BTBD9: variants seen among roughly 807,000 people sequenced by gnomAD.
BTBD9 encodes BTB domain containing 9.
BTBD9 carries 49 observed loss-of-function variants against 64.3 expected under a neutral mutation model. The ratio of observed to expected loss-of-function variants is 0.76; its 90% CI spans 0.61 to 0.97. BTBD9 has a LOEUF of 0.97. BTBD9 is among the 50% of genes least tolerant of loss of function. The pLI, the probability that BTBD9 is intolerant of heterozygous loss-of-function variation, is 0.00. For synonymous variants in BTBD9, 260 were observed against 274.7 expected, an observed-to-expected ratio of 0.95 and a Z score of 0.53; for missense variants, 598 against 762.1, an observed-to-expected ratio of 0.78 and a Z score of 2.53.
intron 6 of BTBD9, among the ~76,000 whole-genome samples, chr6:38,454,088 T>C (rs1396162669): frequency 6.6e-6 from 1 of 152,088 alleles, no homozygotes; most frequent in Admixed American, 6.5e-5. Context: ...AAAATGAAAA[T>C]TCTTCAAGCA....
chr6:38,620,024 G>T (rs1192269674), intron 1 of BTBD9, among the ~76,000 whole-genome samples: 2 of 152,142 alleles, frequency 1.3e-5, no homozygotes, highest in South Asian at 4.1e-4. Flanking sequence ...TGCCTGCCCA[G>T]TCCAAATCAG....
At position 38,201,273 on chromosome 6, in the gene BTBD9, G is replaced by A. The variant is rs1762453057; in HGVS notation, c.1563-8676C>T. ...ATCAAGTGGGATCTAACCCAGGGAT[G>A]CAAGGATGGTTTAACAGACACAAAT... On this transcript the variant is annotated intron_variant, in intron 9 of 10. Transcript: ENST00000481247. Among the ~76,000 whole-genome samples the A allele has an allele frequency of 1.3e-5, 2 of 152,186 alleles. 1 individual carries two copies. Among genetic ancestry groups the A allele is most frequent in the Admixed American group, 1.3e-4 (2 of 15,276 alleles).
intron 8 of BTBD9, among the ~76,000 whole-genome samples, chr6:38,286,057 T>G (rs988839334): frequency 2.6e-5 from 4 of 152,194 alleles, no homozygotes; most frequent in African/African-American, 4.8e-5. Flanking sequence ...GAAGTTTATT[T>G]GTACAGGTAG....
chr6:38,509,878 A>C (rs958559356), intron 6 of BTBD9, among the ~76,000 whole-genome samples: 1 of 152,190 alleles, frequency 6.6e-6, no homozygotes, highest in Non-Finnish European at 1.5e-5. Context: ...GGCTACCCCC[A>C]GCTTCATGTT....
At chr6:38,265,685 T>C (rs1368814475) in intron 8 of BTBD9, among the ~76,000 whole-genome samples, 1 of 151,796 alleles carries the variant, frequency 6.6e-6, no homozygotes, top group Non-Finnish European at 1.5e-5. Context: ...GCCTGGCTAA[T>C]TTTTTGTATT....
At chr6:38,523,053 C>T (rs907699918) in intron 6 of BTBD9, among the ~76,000 whole-genome samples, 22 of 152,156 alleles carry the variant, frequency 1.4e-4, no homozygotes, top group African/African-American at 4.8e-4. Context: ...CGTGGTGGCA[C>T]GTGCCTGTAA....
chr6:38,332,778 T>C (rs1405414809), intron 7 of BTBD9, among the ~76,000 whole-genome samples: 1 of 152,212 alleles, frequency 6.6e-6, no homozygotes, highest in Non-Finnish European at 1.5e-5. Flanking sequence ...ACCAACATCT[T>C]TGCAATATTA....
chr6:38,571,974 T>TCACACACA (rs3047794), intron 6 of BTBD9, among the ~76,000 whole-genome samples: 17 of 147,990 alleles, frequency 1.1e-4, no homozygotes, highest in Non-Finnish European at 2.1e-4. Context: ...AAAGAAACAA[T>TCACACACA]CACACACACA....
At chr6:38,242,742 T>C (rs1220828699) in intron 9 of BTBD9, among the ~76,000 whole-genome samples, 1 of 152,232 alleles carries the variant, frequency 6.6e-6, no homozygotes, top group Non-Finnish European at 1.5e-5. Context: ...AATATTAGAC[T>C]GAATCAAAGT....
intron 6 of BTBD9, among the ~76,000 whole-genome samples, chr6:38,352,489 A>T (rs560416722): frequency 6.6e-6 from 1 of 152,364 alleles, no homozygotes; most frequent in Non-Finnish European, 1.5e-5. Flanking sequence ...TACAGTTTGG[A>T]AAGCAAGATG....
intron 6 of BTBD9, among the ~76,000 whole-genome samples, chr6:38,548,065 A>G (rs1183321674): frequency 6.6e-6 from 1 of 152,268 alleles, no homozygotes; most frequent in Non-Finnish European, 1.5e-5. Context: ...TGTAAATTAC[A>G]TAAAACACTA....
At chr6:38,193,162 G>A (rs1452903869) in intron 9 of BTBD9, among the ~76,000 whole-genome samples, 1 of 152,212 alleles carries the variant, frequency 6.6e-6, no homozygotes, top group Non-Finnish European at 1.5e-5. Context: ...CCTACCCCAG[G>A]GCTGTTGGCA....
chr6:38,385,987 C>T (rs955367503), intron 6 of BTBD9, among the ~76,000 whole-genome samples: 5 of 151,734 alleles, frequency 3.3e-5, no homozygotes, highest in African/African-American at 2.4e-5. Context: ...GATGGGGTTT[C>T]GCTATGTTGG....
intron 6 of BTBD9, among the ~76,000 whole-genome samples, chr6:38,473,728 T>A (rs1345399091): frequency 6.6e-6 from 1 of 152,148 alleles, no homozygotes; most frequent in Non-Finnish European, 1.5e-5. Context: ...GAGCTTACAA[T>A]CTAGTAGAGA....
At chr6:38,519,200 T>C (rs1773178437) in intron 6 of BTBD9, among the ~76,000 whole-genome samples, 1 of 152,200 alleles carries the variant, frequency 6.6e-6, no homozygotes, top group Non-Finnish European at 1.5e-5. Context: ...CAAGGTGAAC[T>C]AGCCAGAGCC....
rs115187286 is a variant in BTBD9 at position 38,577,585 on chromosome 6, C to T, written c.1154+15G>A. The stretch of plus-strand genomic sequence containing the variant: ...TATAAGAATAAAAATCATTTATTAA[C>T]CACTGAAAACTAACCTGCAGACACG... On this transcript the variant is annotated intron_variant, in intron 6 of 10. Coordinates refer to ENST00000481247, the MANE Select transcript of BTBD9 (RefSeq NM_001099272.2). 8.1e-4 allele frequency: 1,283 copies of T among 1,589,988 alleles called. 12 individuals carry two copies. In the African/African-American group the frequency reaches 0.015, roughly 18 times the overall value.
rs559991240 is a variant in BTBD9, at chr6:38,564,816, C to T, written c.1154+12784G>A. 5.3e-4 allele frequency among the ~76,000 whole-genome samples: 80 copies of T among 152,076 alleles called. No individual in the cohort carries two copies. In the East Asian group the frequency reaches 5.4e-3, roughly 10 times the overall value. ...CTGAGGCAGGAGAATCGCATGAACCCGGGAGGCAGAGCTTGCAGTGAGCCG... is the reference window on the plus strand; with the variant it reads ...CTGAGGCAGGAGAATCGCATGAACCTGGGAGGCAGAGCTTGCAGTGAGCCG... On this transcript the variant is annotated intron_variant, in intron 6 of 10. Transcript: ENST00000481247.
At chr6:38,633,500 T>G (rs887028478) in intron 1 of BTBD9, among the ~76,000 whole-genome samples, 19 of 152,258 alleles carry the variant, frequency 1.2e-4, no homozygotes, top group African/African-American at 4.6e-4. Context: ...TTTGCTTATA[T>G]GCATTATGCA....
chr6:38,248,348 G>A (rs529736363), intron 9 of BTBD9, among the ~76,000 whole-genome samples: 1 of 152,260 alleles, frequency 6.6e-6, no homozygotes, highest in East Asian at 1.9e-4. Flanking sequence ...ATTCTCAAGT[G>A]GAAAAAGAAA....
Sources: gnomAD v4.1 joint callset for allele counts (sites outside exome capture counted in the v4.1 genomes callset) on GRCh38, gnomAD v4.1.1 for gene constraint, MANE v1.5 for transcripts, NCBI Gene and HGNC (gene_info 2026-07-23, HGNC 2026-07-21) for gene names.